Variants in SLC30A6 observed in about 807,000 individuals in gnomAD.
SLC30A6 encodes solute carrier family 30 member 6, also known as zinc transporter 6.
SLC30A6 carries 55 observed loss-of-function variants against 63.0 expected under a neutral mutation model. That is an observed-to-expected ratio of 0.87 (90% confidence interval 0.70 to 1.09). The LOEUF (loss-of-function observed/expected upper bound fraction) is 1.09. Ranked by LOEUF, SLC30A6 falls within the 50% of genes least tolerant of loss-of-function variation. The pLI is 0.00. For missense variants in SLC30A6, 587 were observed against 549.2 expected (o/e 1.07, Z -0.69); for synonymous variants, 224 against 186.1 (o/e 1.20, Z -1.66).
In SLC30A6 at chr2:32,192,340, G is replaced by T; in HGVS notation, c.289G>T (p.Glu97Ter). ...KPSPVYSFGF[E>*]RLEVLAVFAS... Reference sequence around the variant, plus strand: ...TAATTAATGTTTTGGTTTCAGGTTTGAAAGATTAGAAGTCCTGGCTGTATT... The same window carrying T: ...TAATTAATGTTTTGGTTTCAGGTTTTAAAGATTAGAAGTCCTGGCTGTATT... Residue 97 changes from glutamate to a stop codon, truncating the protein, a stop_gained, in exon 6 of 14, where the codon GAA (glutamate) becomes TAA (stop). Coordinates refer to ENST00000282587, the MANE Select transcript of SLC30A6 (RefSeq NM_017964.5). LOFTEE classifies it high-confidence loss of function. The T allele has an allele frequency of 6.2e-7, 1 of 1,613,944 alleles. No individual in the cohort carries two copies. The highest frequency in any genetic ancestry group is 1.7e-5 in the Admixed American group (1 of 60,002).
intron 9 of SLC30A6, 27 bp downstream of exon 9, chr2:32,197,419 T>G: frequency 6.3e-7 from 1 of 1,595,916 alleles, no homozygotes; most frequent in Non-Finnish European, 8.6e-7. Flanking sequence ...TTTCATGATA[T>G]GCATAATTTA....
intron 7 of SLC30A6, 46 bp from the exon 8 acceptor site, chr2:32,193,843 A>G (rs1306124820): frequency 2.0e-6 from 3 of 1,483,910 alleles, no homozygotes; most frequent in African/African-American, 1.4e-5. Context: ...CATACTGATA[A>G]TACCAAGAAC....
At chr2:32,190,961 T>A (rs943747199) in intron 5 of SLC30A6, among the ~76,000 whole-genome samples, 4 of 152,168 alleles carry the variant, frequency 2.6e-5, no homozygotes, top group African/African-American at 9.6e-5. Flanking sequence ...CACAAATCAG[T>A]GGACTATATA....
At chr2:32,195,611 T>A (rs931454322) in intron 8 of SLC30A6, among the ~76,000 whole-genome samples, 1 of 151,534 alleles carries the variant, frequency 6.6e-6, no homozygotes, top group Admixed American at 6.6e-5. Flanking sequence ...GGATTAAAAA[T>A]ACAGTATTTT....
rs763983851 is a variant in SLC30A6 at position 32,204,610 on chromosome 2, C to G, written c.686C>G (p.Thr229Ser). 1.9e-6 allele frequency: 3 copies of G among 1,611,332 alleles called. No individual in the cohort carries two copies. Among genetic ancestry groups the G allele is most frequent in the Non-Finnish European group, 2.5e-6 (3 of 1,178,338 alleles). The part of the protein sequence containing the change: ...IEINNYFAVD[T>S]ASAIAIALMT... ...TTTAGTAATTATTTTGCCGTAGACA[C>G]TGCCTCTGCTATAGCTATTGCCTTG... The change falls in exon 11 of 14, where the codon ACT becomes AGT. Residue 229 changes from threonine to serine, a missense_variant. Transcript: ENST00000282587.
chr2:32,220,650 T>C lies in SLC30A6; in HGVS notation c.1323T>C (p.Thr441=). The change falls in exon 14 of 14, where the codon ACT becomes ACC. Residue 441 remains threonine, a synonymous_variant. Transcript: ENST00000282587. ...PGIGATQGLR[T]GFTNIPSRYG... ...TTGGAGCAACTCAAGGATTGAGGAC[T>C]GGTTTTACAAATATACCAAGTAGAT... 1 of 1,614,150 alleles carries C rather than the reference T, an allele frequency of 6.2e-7. No homozygotes were observed. Among genetic ancestry groups the C allele is most frequent in the Non-Finnish European group, 8.5e-7 (1 of 1,179,996 alleles).
At chr2:32,203,199 C>G (rs771425231) in intron 10 of SLC30A6, 53 of 1,152,652 alleles carry the variant, frequency 4.6e-5, no homozygotes, top group Non-Finnish European at 5.8e-5. Flanking sequence ...TTCTCCTCCT[C>G]AGGATGTTGA....
At chr2:32,192,190 C>A (rs1295570746) in intron 5 of SLC30A6, 146 bp from the exon 6 acceptor site, 2 of 585,828 alleles carry the variant, frequency 3.4e-6, no homozygotes, top group African/African-American at 1.9e-5. Flanking sequence ...TTCTAGAAAC[C>A]CTAATCTGCT....
chr2:32,197,387 T>C lies in SLC30A6; in HGVS notation c.540T>C (p.Ser180=). 6.2e-7 allele frequency: 1 copy of C among 1,612,950 alleles called. No homozygotes were observed. Among genetic ancestry groups the C allele is most frequent in the Non-Finnish European group, 8.5e-7 (1 of 1,179,068 alleles). ...TTCAAGAGCATGTTGCAGATCTTAGTCGAAGGTAAGATGTTATGGAGTTTC... is the reference window on the plus strand; with the variant it reads ...TTCAAGAGCATGTTGCAGATCTTAGCCGAAGGTAAGATGTTATGGAGTTTC... ...SWLQEHVADL[S]RSLCGIIPGL... Residue 180 remains serine (S), a synonymous_variant, in exon 9 of 14, where the codon AGT becomes AGC. Transcript: ENST00000282587.
At chr2:32,195,929 A>T (rs754636838) in intron 8 of SLC30A6, among the ~76,000 whole-genome samples, 10 of 152,132 alleles carry the variant, frequency 6.6e-5, no homozygotes, top group Non-Finnish European at 1.3e-4. Context: ...ATGTGCCTCT[A>T]GTCCCAGCTA....
At position 32,166,054 on chromosome 2, in the gene SLC30A6, A is replaced by C; in HGVS notation, c.3+151A>C. ...CTTGGCAGGAGCGGCTGTCTCCCAA[A>C]ATGTTCCCCTTCAGAGTTCTGGTCC... On this transcript the variant is annotated intron_variant, in intron 1 of 13. Transcript: ENST00000282587. 11 of 1,139,164 alleles carry C rather than the reference A, an allele frequency of 9.7e-6. No homozygotes were observed. In the South Asian group the frequency reaches 1.4e-4, roughly 15 times the overall value. The allele number at this position is 1,139,164 out of a possible 1,614,324, so 70.6% of individuals were successfully genotyped here. A position where few individuals can be genotyped will look rare whatever the true frequency, so the allele number is the denominator to read the frequency against.
chr2:32,215,500 T>TTTTATATA (rs368488252), intron 13 of SLC30A6, among the ~76,000 whole-genome samples: 14 of 134,358 alleles, frequency 1.0e-4, no homozygotes, highest in African/African-American at 3.5e-4. Context: ...TGGCCATCTA[T>TTTTATATA]TATATATATA....
chr2:32,166,849 G>A (rs1680706497), intron 1 of SLC30A6, among the ~76,000 whole-genome samples: 1 of 152,176 alleles, frequency 6.6e-6, no homozygotes, highest in African/African-American at 2.4e-5. Flanking sequence ...ATGGGTAAAA[G>A]TTTACACTTT....
intron 1 of SLC30A6, 72 bp downstream of exon 1, chr2:32,165,975 C>G (rs1680607548): frequency 1.9e-6 from 3 of 1,606,714 alleles, no homozygotes; most frequent in Non-Finnish European, 2.6e-6. Flanking sequence ...CCGAAGCGAC[C>G]TTGAAATCCC....
chr2:32,195,488 A>G (rs1408709129), intron 8 of SLC30A6, among the ~76,000 whole-genome samples: 1 of 151,878 alleles, frequency 6.6e-6, no homozygotes, highest in Non-Finnish European at 1.5e-5. Flanking sequence ...TATTTTATAC[A>G]TTTCTAACTT....
chr2:32,213,085 T>C (rs1320459111), intron 13 of SLC30A6, among the ~76,000 whole-genome samples: 1 of 151,842 alleles, frequency 6.6e-6, no homozygotes, highest in Non-Finnish European at 1.5e-5. Context: ...TTTTTAATTT[T>C]TTTTGTAGAG....
chr2:32,185,509 C>T (rs1307906348), intron 5 of SLC30A6, among the ~76,000 whole-genome samples: 4 of 151,988 alleles, frequency 2.6e-5, no homozygotes, highest in South Asian at 2.1e-4. Flanking sequence ...AGAGGCATAT[C>T]GACCAAGGAA....
intron 3 of SLC30A6, 148 bp from the exon 4 acceptor site, chr2:32,175,171 A>G (rs1444310852): frequency 4.6e-6 from 3 of 657,236 alleles, no homozygotes; most frequent in Non-Finnish European, 7.9e-6. Flanking sequence ...TATCAGATTT[A>G]CTAGATAACT....
intron 4 of SLC30A6, chr2:32,177,492 AT>A: frequency 1.2e-5 from 3 of 248,156 alleles, no homozygotes; most frequent in Non-Finnish European, 2.5e-5. Flanking sequence ...GGGTTTCACC[AT>A]TTTGGCTGGG....
Sources: gnomAD v4.1 joint callset for allele counts (sites outside exome capture counted in the v4.1 genomes callset) on GRCh38, gnomAD v4.1.1 for gene constraint, MANE v1.5 for transcripts, NCBI Gene and HGNC (gene_info 2026-07-23, HGNC 2026-07-21) for gene names.